Variants in RPL10L observed in about 807,000 individuals in gnomAD.
RPL10L encodes the protein ribosomal protein uL16-like.
In RPL10L, 11 loss-of-function variants were observed where a neutral mutation model predicts 10.2. The observed-to-expected ratio is 1.08, with a 90% CI of 0.68 to 1.79. RPL10L has a LOEUF of 1.79. RPL10L is among the 40% of genes most tolerant of loss of function. The pLI is 0.00. For missense variants in RPL10L, 320 were observed against 289.8 expected (o/e 1.10, Z -0.76); for synonymous variants, 120 against 101.7 (o/e 1.18, Z -1.08).
rs371322442 is a variant in RPL10L at position 46,651,088 on chromosome 14, A to T, written c.*4T>A. 9.3e-6 allele frequency: 15 copies of T among 1,611,946 alleles called. No individual in the cohort carries two copies. The highest frequency in any genetic ancestry group is 4.2e-6 in the Non-Finnish European group (5 of 1,178,730). ...GGCCCAAGGAGACAGTACTGCCAAA[A>T]CCTTCATGAGTGCAGAACCCGCCAC... On this transcript the variant is annotated 3_prime_UTR_variant, in exon 1 of 1. Transcript: ENST00000298283.
In RPL10L at chr14:46,651,373, GTT is replaced by G. The variant is rs761456119; in HGVS notation, c.362_363del (p.Lys121ThrfsTer29). 6.2e-7 allele frequency: 1 copy of G among 1,614,126 alleles called. No individual in the cohort carries two copies. The highest frequency in any genetic ancestry group is 8.5e-7 in the Non-Finnish European group (1 of 1,180,036). ...TGGACCCGGGCTACAGTACCCTGGG[GTT>G]TTCCAAAGGCACCTCGCATACCTGT... is the stretch of plus-strand genomic sequence containing the variant. The part of the protein sequence containing the change: ...LQTGMRGAFG[K>X]PQGTVARVHI... On this transcript the variant is annotated frameshift_variant, in exon 1 of 1. Transcript: ENST00000298283. LOFTEE classifies it high-confidence loss of function.
chr14:46,651,722 T>C lies in RPL10L; in HGVS notation c.15A>G (p.Pro5=). 1.2e-6 allele frequency: 2 copies of C among 1,614,242 alleles called. No homozygotes were observed. The highest frequency in any genetic ancestry group is 1.7e-6 in the Non-Finnish European group (2 of 1,180,038). MGRR[P]ARCYRYCKNK... ...TCTTACAATACCGGTAACAGCGAGC[T>C]GGACGGCGCCCCATGGCGACACAGT... The change falls in exon 1 of 1, where the codon CCA becomes CCG. Residue 5 remains proline (P), a synonymous_variant. Transcript: ENST00000298283.
rs1290467577 is a variant in RPL10L, at chr14:46,651,206, A to G, written c.531T>C (p.Asn177=). 6.2e-7 allele frequency: 1 copy of G among 1,614,054 alleles called. No individual in the cohort carries two copies. The highest frequency in any genetic ancestry group is 1.3e-5 in the African/African-American group (1 of 74,916). Residue 177 remains asparagine (N), a synonymous_variant, in exon 1 of 1, where the codon AAT becomes AAC. Coordinates refer to ENST00000298283, the MANE Select transcript of RPL10L (RefSeq NM_080746.3). ...ISKKWGFTKF[N]ADEFEDMVAK... ...CCACCATGTCTTCAAATTCGTCAGCATTAAACTTCGTGAAGCCCCACTTCT... is the reference window on the plus strand; with the variant it reads ...CCACCATGTCTTCAAATTCGTCAGCGTTAAACTTCGTGAAGCCCCACTTCT...
rs746466614 is a variant in RPL10L, at chr14:46,651,391, G to A, written c.346C>T (p.Arg116Ter). The A allele has an allele frequency of 2.5e-5, 40 of 1,613,970 alleles. No homozygotes were observed. The highest frequency in any genetic ancestry group is 3.1e-5 in the Non-Finnish European group (37 of 1,180,028). The change falls in exon 1 of 1, where the codon CGA becomes TGA. Residue 116 changes from arginine to a stop codon, truncating the protein, a stop_gained. Coordinates refer to ENST00000298283, the MANE Select transcript of RPL10L (RefSeq NM_080746.3). LOFTEE classifies it high-confidence loss of function. Reference protein sequence around the residue: ...AGADRLQTGMRGAFGKPQGTV... With the variant: ...AGADRLQTGM ...CCCTGGGGTTTTCCAAAGGCACCTC[G>A]CATACCTGTCTGGAGCCTGTCAGCC...
At position 46,651,271 on chromosome 14, in the gene RPL10L, T is replaced by G. The variant is rs760671229; in HGVS notation, c.466A>C (p.Lys156Gln). The G allele has an allele frequency of 1.2e-6, 2 of 1,614,046 alleles. No homozygotes were observed. Among genetic ancestry groups the G allele is most frequent in the African/African-American group, 2.7e-5 (2 of 74,920 alleles). The change falls in exon 1 of 1, where the codon AAG becomes CAG. Residue 156 changes from lysine to glutamine, a missense_variant. Transcript: ENST00000298283. ...TTCTGGCGTCCAGGGAACTTGAACT[T>G]GGCCCTGCGCAAGGCTTCAATCACA... The part of the protein sequence containing the change: ...EHVIEALRRA[K>Q]FKFPGRQKIH...
chr14:46,651,534 G>A lies in RPL10L; in HGVS notation c.203C>T (p.Ala68Val). Reference protein sequence around the residue: ...EQLSSEALEAARICANKYMVK... With the variant: ...EQLSSEALEAVRICANKYMVK... Reference sequence around the variant, plus strand: ...CATGTATTTGTTGGCACAAATACGGGCGGCCTCCAGGGCTTCAGAAGACAG... The same window carrying A: ...CATGTATTTGTTGGCACAAATACGGACGGCCTCCAGGGCTTCAGAAGACAG... Residue 68 changes from alanine (A) to valine (V), a missense_variant, in exon 1 of 1, where the codon GCC (alanine) becomes GTC (valine). Physicochemically the swap from Ala to Val is moderately conservative, Grantham distance 64. Transcript: ENST00000298283. 2 of 1,614,140 alleles carry A rather than the reference G, an allele frequency of 1.2e-6. No individual in the cohort carries two copies. Among genetic ancestry groups the A allele is most frequent in the Non-Finnish European group, 1.7e-6 (2 of 1,180,024 alleles).
chr14:46,651,733 C>T lies in RPL10L; in HGVS notation c.4G>A (p.Gly2Arg), dbSNP rs749382431. 1.9e-6 allele frequency: 3 copies of T among 1,614,198 alleles called. No individual in the cohort carries two copies. In the South Asian group the frequency reaches 3.3e-5, roughly 18 times the overall value. ...CGGTAACAGCGAGCTGGACGGCGCC[C>T]CATGGCGACACAGTAACGTCGGCGG... MGRRPARCYRYC... is the reference protein window; with the variant it reads MRRRPARCYRYC... The change falls in exon 1 of 1, where the codon GGG (glycine) becomes AGG (arginine). Residue 2 changes from glycine (G) to arginine (R), a missense_variant. Coordinates refer to ENST00000298283, the MANE Select transcript of RPL10L (RefSeq NM_080746.3).
chr14:46,651,184 C>T lies in RPL10L; in HGVS notation c.553G>A (p.Val185Met), dbSNP rs573121828. 9 of 1,614,134 alleles carry T rather than the reference C, an allele frequency of 5.6e-6. No individual in the cohort carries two copies. The African/African-American group carries it at 8.0e-5, about 14-fold the overall frequency. ...TCAGGGATGAGGCACTTCTTGGCCA[C>T]CATGTCTTCAAATTCGTCAGCATTA... ...KFNADEFEDMVAKKCLIPDGC... is the reference protein window; with the variant it reads ...KFNADEFEDMMAKKCLIPDGC... Residue 185 changes from valine (V) to methionine (M), a missense_variant, in exon 1 of 1, where the codon GTG (valine) becomes ATG (methionine). Physicochemically the swap from Val to Met is conservative, Grantham distance 21. Transcript: ENST00000298283.
In RPL10L at chr14:46,651,200, G is replaced by C; in HGVS notation, c.537C>G (p.Asp179Glu). ...TCTTGGCCACCATGTCTTCAAATTC[G>C]TCAGCATTAAACTTCGTGAAGCCCC... The part of the protein sequence containing the change: ...KKWGFTKFNA[D>E]EFEDMVAKKC... Residue 179 changes from aspartate to glutamate, a missense_variant, in exon 1 of 1, where the codon GAC becomes GAG. Physicochemically the swap from Asp to Glu is conservative, Grantham distance 45. Coordinates refer to ENST00000298283, the MANE Select transcript of RPL10L (RefSeq NM_080746.3). 1 of 1,614,084 alleles carries C rather than the reference G, an allele frequency of 6.2e-7. No individual in the cohort carries two copies. The highest frequency in any genetic ancestry group is 1.3e-5 in the African/African-American group (1 of 75,020).
In RPL10L at chr14:46,651,279, C is replaced by CTG; in HGVS notation, c.457_458insCA (p.Arg153ProfsTer82). 6.2e-7 allele frequency: 1 copy of CTG among 1,614,174 alleles called. No homozygotes were observed. Among genetic ancestry groups the CTG allele is most frequent in the Non-Finnish European group, 8.5e-7 (1 of 1,180,036 alleles). On this transcript the variant is annotated frameshift_variant, in exon 1 of 1. Transcript: ENST00000298283. LOFTEE classifies it high-confidence loss of function. ...TCCAGGGAACTTGAACTTGGCCCTG[C>CTG]GCAAGGCTTCAATCACATGCTCCTC...
In RPL10L at chr14:46,651,084, C is replaced by CA; in HGVS notation, c.*7dup. ...GCATGGCCCAAGGAGACAGTACTGC[C>CA]AAAACCTTCATGAGTGCAGAACCCG... is the stretch of plus-strand genomic sequence containing the variant. On this transcript the variant is annotated 3_prime_UTR_variant, in exon 1 of 1. Transcript: ENST00000298283. 6.2e-7 allele frequency: 1 copy of CA among 1,611,182 alleles called. No individual in the cohort carries two copies. Among genetic ancestry groups the CA allele is most frequent in the East Asian group, 2.2e-5 (1 of 44,836 alleles).
rs374055419 is a variant in RPL10L at position 46,651,580 on chromosome 14, C to T, written c.157G>A (p.Val53Met). Reference sequence around the variant, plus strand: ...GACAGCTGCTCATATTCATCAGACACCATGTGGCCACCGAGTGGGAACTCA... The same window carrying T: ...GACAGCTGCTCATATTCATCAGACATCATGTGGCCACCGAGTGGGAACTCA... Reference protein sequence around the residue: ...VDEFPLGGHMVSDEYEQLSSE... With the variant: ...VDEFPLGGHMMSDEYEQLSSE... Residue 53 changes from valine (V) to methionine (M), a missense_variant, in exon 1 of 1, where the codon GTG becomes ATG. Physicochemically the swap from Val to Met is conservative, Grantham distance 21. Transcript: ENST00000298283. The T allele has an allele frequency of 1.4e-5, 23 of 1,614,054 alleles. No individual in the cohort carries two copies. The African/African-American group carries it at 2.9e-4, about 21-fold the overall frequency.
At position 46,651,596 on chromosome 14, in the gene RPL10L, T is replaced by G; in HGVS notation, c.141A>C (p.Pro47=). The change falls in exon 1 of 1, where the codon CCA becomes CCC. Residue 47 remains proline, a synonymous_variant. Coordinates refer to ENST00000298283, the MANE Select transcript of RPL10L (RefSeq NM_080746.3). The part of the protein sequence containing the change: ...GRKKAKVDEF[P]LGGHMVSDEY... ...CATCAGACACCATGTGGCCACCGAG[T>G]GGGAACTCATCCACTTTTGCCTTCT... 4.3e-6 allele frequency: 7 copies of G among 1,613,648 alleles called. No homozygotes were observed. The highest frequency in any genetic ancestry group is 5.9e-6 in the Non-Finnish European group (7 of 1,179,898).
rs1219560023 is a variant in RPL10L at position 46,651,529 on chromosome 14, T to G, written c.208A>C (p.Ile70Leu). Residue 70 changes from isoleucine to leucine, a missense_variant, in exon 1 of 1, where the codon ATT becomes CTT. Physicochemically the swap from Ile to Leu is conservative, Grantham distance 5 (BLOSUM62 2). Coordinates refer to ENST00000298283, the MANE Select transcript of RPL10L (RefSeq NM_080746.3). ...TTCACCATGTATTTGTTGGCACAAATACGGGCGGCCTCCAGGGCTTCAGAA... is the reference window on the plus strand; with the variant it reads ...TTCACCATGTATTTGTTGGCACAAAGACGGGCGGCCTCCAGGGCTTCAGAA... ...LSSEALEAAR[I>L]CANKYMVKSC... The G allele has an allele frequency of 8.7e-6, 14 of 1,614,188 alleles. No individual in the cohort carries two copies. Among genetic ancestry groups the G allele is most frequent in the Non-Finnish European group, 1.2e-5 (14 of 1,180,032 alleles).
rs1181106537 is a variant in RPL10L at position 46,651,544 on chromosome 14, G to C, written c.193C>G (p.Leu65Val). Residue 65 changes from leucine to valine, a missense_variant, in exon 1 of 1, where the codon CTG (leucine) becomes GTG (valine). By Grantham distance (32) the Leu-to-Val change is conservative (BLOSUM62 1). Coordinates refer to ENST00000298283, the MANE Select transcript of RPL10L (RefSeq NM_080746.3). ...TTGGCACAAATACGGGCGGCCTCCAGGGCTTCAGAAGACAGCTGCTCATAT... is the reference window on the plus strand; with the variant it reads ...TTGGCACAAATACGGGCGGCCTCCACGGCTTCAGAAGACAGCTGCTCATAT... ...DEYEQLSSEA[L>V]EAARICANKY... 3 of 1,614,058 alleles carry C rather than the reference G, an allele frequency of 1.9e-6. No homozygotes were observed. The African/African-American group carries it at 4.0e-5, about 22-fold the overall frequency.
chr14:46,651,744 C>T lies in RPL10L; in HGVS notation c.-8G>A. On this transcript the variant is annotated 5_prime_UTR_variant, in exon 1 of 1. It adds an upstream start codon to the 5' untranslated region. Coordinates refer to ENST00000298283, the MANE Select transcript of RPL10L (RefSeq NM_080746.3). ...AGCTGGACGGCGCCCCATGGCGACACAGTAACGTCGGCGGTGCCTCGAAGT... is the reference window on the plus strand; with the variant it reads ...AGCTGGACGGCGCCCCATGGCGACATAGTAACGTCGGCGGTGCCTCGAAGT... The T allele has an allele frequency of 6.2e-7, 1 of 1,614,138 alleles. No individual in the cohort carries two copies. The highest frequency in any genetic ancestry group is 8.5e-7 in the Non-Finnish European group (1 of 1,179,984).
rs1883859488 is a variant in RPL10L, at chr14:46,651,079, AC to A, written c.*12del. 6.2e-7 allele frequency: 1 copy of A among 1,609,896 alleles called. No individual in the cohort carries two copies. The highest frequency in any genetic ancestry group is 8.5e-7 in the Non-Finnish European group (1 of 1,177,494). On this transcript the variant is annotated 3_prime_UTR_variant, in exon 1 of 1. Coordinates refer to ENST00000298283, the MANE Select transcript of RPL10L (RefSeq NM_080746.3). ...GACCAGCATGGCCCAAGGAGACAGT[AC>A]TGCCAAAACCTTCATGAGTGCAGAA...
rs1220635001 is a variant in RPL10L, at chr14:46,651,658, G to A, written c.79C>T (p.Pro27Ser). ...YPKSRFCRGV[P>S]DAKIRIFDLG... Reference sequence around the variant, plus strand: ...TCAAAGATGCGGATCTTGGCATCAGGAACCCCTCGGCAGAAACGAGATTTT... The same window carrying A: ...TCAAAGATGCGGATCTTGGCATCAGAAACCCCTCGGCAGAAACGAGATTTT... Residue 27 changes from proline to serine, a missense_variant, in exon 1 of 1, where the codon CCT becomes TCT. Coordinates refer to ENST00000298283, the MANE Select transcript of RPL10L (RefSeq NM_080746.3). 10 of 1,614,062 alleles carry A rather than the reference G, an allele frequency of 6.2e-6. No homozygotes were observed. In the Admixed American group the frequency reaches 1.7e-4, roughly 27 times the overall value.
Position 46,651,434 on chromosome 14 carries a change from C to G in RPL10L, c.303G>C (p.Lys101Asn), listed in dbSNP as rs767722350. 2.5e-6 allele frequency: 4 copies of G among 1,614,182 alleles called. No homozygotes were observed. The highest frequency in any genetic ancestry group is 3.3e-5 in the Admixed American group (2 of 60,024). The change falls in exon 1 of 1, where the codon AAG becomes AAC. Residue 101 changes from lysine (K) to asparagine (N), a missense_variant. Physicochemically the swap from Lys to Asn is moderately conservative, Grantham distance 94 (BLOSUM62 0). Transcript: ENST00000298283. ...TGTCAGCCCCAGCACAGGACAACAT[C>G]TTGTTGATGCGGATGACATGGAAGG... ...LHPFHVIRINKMLSCAGADRL... is the reference protein window; with the variant it reads ...LHPFHVIRINNMLSCAGADRL...
Sources: gnomAD v4.1 joint callset for allele counts on GRCh38, gnomAD v4.1.1 for gene constraint, MANE v1.5 for transcripts, NCBI Gene and HGNC (gene_info 2026-07-23, HGNC 2026-07-21) for gene names.